The following DISC1 variants were observed in gnomAD, a reference collection of about 807,000 sequenced individuals.
The protein encoded by DISC1 is disrupted in schizophrenia 1 protein.
A neutral mutation model predicts 84.5 loss-of-function variants in DISC1; 57 were observed. The observed-to-expected ratio is 0.67, with a 90% confidence interval of 0.55 to 0.84. The LOEUF is 0.84. Ranked by LOEUF, DISC1 falls within the 40% of genes least tolerant of loss-of-function variation. The probability of loss-of-function intolerance (pLI) is 0.00; values close to 1 mark genes in which losing one functional copy is unlikely to be tolerated. For missense variants in DISC1, 1,000 were observed against 1,057.8 expected, an observed-to-expected ratio of 0.95 and a Z score of 0.76; for synonymous variants, 411 against 415.2, an observed-to-expected ratio of 0.99 and a Z score of 0.12.
intron 10 of DISC1, among the ~76,000 whole-genome samples, chr1:231,966,109 T>C (rs2102792791): frequency 6.6e-6 from 1 of 152,370 alleles, no homozygotes; most frequent in Admixed American, 6.5e-5. Flanking sequence ...AATTTTATCT[T>C]GTTCCTCCTT....
intron 1 of DISC1, among the ~76,000 whole-genome samples, chr1:231,666,975 C>T (rs1458383538): frequency 6.6e-6 from 1 of 152,090 alleles, no homozygotes; most frequent in African/African-American, 2.4e-5. Flanking sequence ...TATGTATTTC[C>T]AGGCGAATAT....
chr1:231,967,256 G>A lies in DISC1; in HGVS notation c.2042+8368G>A, dbSNP rs372890348. 6.5e-4 allele frequency among the ~76,000 whole-genome samples: 99 copies of A among 152,282 alleles called. 2 individuals carry two copies. The highest frequency in any genetic ancestry group is 2.3e-3 in the African/African-American group (95 of 41,562). ...CAGAGCCTGTGTGTCATGGCCAAAA[G>A]AGACTGTAAACTGCCAACTGCTCTC... On this transcript the variant is annotated intron_variant, in intron 10 of 12. Transcript: ENST00000439617.
chr1:231,656,867 T>A (rs1204991092), intron 1 of DISC1, among the ~76,000 whole-genome samples: 1 of 152,240 alleles, frequency 6.6e-6, no homozygotes, highest in Non-Finnish European at 1.5e-5. Context: ...CACTTATAGA[T>A]GAGAGCATGC....
chr1:231,799,410 A>G (rs6541285), intron 7 of DISC1, among the ~76,000 whole-genome samples: 150,365 of 152,216 alleles, frequency 0.99, 74,282 homozygotes, highest in East Asian at 1. Context: ...ACAGAGCAAA[A>G]TCCCTGCTCA....
At chr1:231,740,141 G>T (rs2073056358) in intron 3 of DISC1, among the ~76,000 whole-genome samples, 1 of 152,164 alleles carries the variant, frequency 6.6e-6, no homozygotes, top group Non-Finnish European at 1.5e-5. Flanking sequence ...TCGACTTCCA[G>T]CCTCCAGAAC....
intron 6 of DISC1, among the ~76,000 whole-genome samples, chr1:231,789,390 C>T (rs569097704): frequency 6.6e-6 from 1 of 152,170 alleles, no homozygotes; most frequent in Non-Finnish European, 1.5e-5. Context: ...GCCATATAGG[C>T]CCTTGCAGAC....
At chr1:231,764,916 G>A (rs1327976290) in intron 4 of DISC1, among the ~76,000 whole-genome samples, 2 of 152,112 alleles carry the variant, frequency 1.3e-5, no homozygotes, top group African/African-American at 4.8e-5. Flanking sequence ...TGGAGGCTGG[G>A]CTTGGTGGCT....
At chr1:232,008,701 T>C (rs959341387) in intron 10 of DISC1, 84 bp from the exon 11 acceptor site, 2 of 1,472,112 alleles carry the variant, frequency 1.4e-6, no homozygotes, top group Non-Finnish European at 1.8e-6. Context: ...CAGCTGACTT[T>C]TAGCCAGGTA....
chr1:232,036,229 G>A (rs1670503032), intron 12 of DISC1, among the ~76,000 whole-genome samples: 1 of 152,190 alleles, frequency 6.6e-6, no homozygotes, highest in African/African-American at 2.4e-5. Flanking sequence ...AACTGAGTCT[G>A]CTCCAGTATG....
chr1:231,908,546 G>A (rs2126046628), intron 9 of DISC1, among the ~76,000 whole-genome samples: 1 of 152,266 alleles, frequency 6.6e-6, no homozygotes, highest in Non-Finnish European at 1.5e-5. Context: ...TCTCTGTTTT[G>A]ATATCAGTAC....
intron 3 of DISC1, among the ~76,000 whole-genome samples, chr1:231,713,991 C>T (rs2125043044): frequency 6.6e-6 from 1 of 151,556 alleles, no homozygotes; most frequent in South Asian, 2.1e-4. Flanking sequence ...TTGACATTAT[C>T]CTATATGTAG....
At chr1:231,733,068 G>A (rs1310634555) in intron 3 of DISC1, among the ~76,000 whole-genome samples, 1 of 36,692 alleles carries the variant, frequency 2.7e-5, no homozygotes, top group South Asian at 1.2e-3. Flanking sequence ...AGGAGTGGTA[G>A]TGGTGGTAAT....
At chr1:231,827,310 A>G (rs1380617062) in intron 9 of DISC1, among the ~76,000 whole-genome samples, 1 of 152,180 alleles carries the variant, frequency 6.6e-6, no homozygotes, top group Non-Finnish European at 1.5e-5. Flanking sequence ...TTAAACTATT[A>G]TATAATTTAG....
intron 9 of DISC1, among the ~76,000 whole-genome samples, chr1:231,845,729 G>A (rs12044040): frequency 0.17 from 25,956 of 151,908 alleles, 2,642 homozygotes; most frequent in East Asian, 0.36. Flanking sequence ...CTGGAGGCTG[G>A]TAAAGGAGGG....
rs555333400 is a variant in DISC1, at chr1:231,724,759, A to G, written c.1117+22735A>G. ...TTAACTGTGGCCTATCTCCACTCAA[A>G]TTTTGGCATTTGGCGTTTGGTTGTC... is the stretch of plus-strand genomic sequence containing the variant. On this transcript the variant is annotated intron_variant, in intron 3 of 12. Transcript: ENST00000439617. Among the ~76,000 whole-genome samples the G allele has an allele frequency of 5.3e-5, 8 of 152,126 alleles. No individual in the cohort carries two copies. In the South Asian group the frequency reaches 1.0e-3, roughly 20 times the overall value.
In DISC1 at chr1:231,800,244, C is replaced by T. The variant is rs1440972382; in HGVS notation, c.1792+34C>T. On this transcript the variant is annotated intron_variant, in intron 8 of 12. Coordinates refer to ENST00000439617, the MANE Select transcript of DISC1 (RefSeq NM_018662.3). ...CAGTGTAGGAGACGTTGAAGCTATC[C>T]AACTAAAATAATGACAGCTACCAGC... The T allele has an allele frequency of 2.6e-6, 4 of 1,509,498 alleles. No homozygotes were observed. The East Asian group carries it at 6.8e-5, about 26-fold the overall frequency. 93.5% of individuals were successfully genotyped at this position (1,509,498 alleles called of 1,614,324 possible).
intron 5 of DISC1, among the ~76,000 whole-genome samples, chr1:231,768,815 A>G (rs1258419840): frequency 6.6e-6 from 1 of 152,202 alleles, no homozygotes; most frequent in Admixed American, 6.5e-5. Context: ...CACAGAGTAG[A>G]CTAAGATGAT....
intron 9 of DISC1, among the ~76,000 whole-genome samples, chr1:231,952,695 ATATATATATATATATATATG>A (rs1292430820): frequency 6.6e-5 from 7 of 106,252 alleles, no homozygotes; most frequent in Admixed American, 2.3e-4. Context: ...ATATGTTTAT[ATATATATATATATATATATG>A]TATATATATA....
chr1:232,005,374 G>T (rs1230794714), intron 10 of DISC1, among the ~76,000 whole-genome samples: 1 of 152,112 alleles, frequency 6.6e-6, no homozygotes, highest in Admixed American at 6.5e-5. Flanking sequence ...TTTTAAAGAT[G>T]TTTTATTGTC....
Sources: gnomAD v4.1 joint callset for allele counts (sites outside exome capture counted in the v4.1 genomes callset) on GRCh38, gnomAD v4.1.1 for gene constraint, MANE v1.5 for transcripts, NCBI Gene and HGNC (gene_info 2026-07-23, HGNC 2026-07-21) for gene names.